EPB41L3: variants seen among roughly 807,000 people sequenced by gnomAD.
EPB41L3 encodes band 4.1-like protein 3.
A neutral mutation model predicts 127.1 loss-of-function variants in EPB41L3; 57 were observed. The ratio of observed to expected loss-of-function variants is 0.45; its 90% CI spans 0.36 to 0.56. The LOEUF is 0.56. Among genes scored for constraint, EPB41L3 ranks in the 20% least tolerant of loss-of-function variants. The pLI is 0.00. For synonymous variants in EPB41L3, 572 were observed against 549.5 expected (o/e 1.04, Z -0.57); for missense variants, 1,273 against 1,372.2 (o/e 0.93, Z 1.14).
intron 16 of EPB41L3, among the ~76,000 whole-genome samples, chr18:5,404,595 T>C (rs1215450243): frequency 6.6e-6 from 1 of 152,222 alleles, no homozygotes; most frequent in Non-Finnish European, 1.5e-5. Context: ...ATGTTAATTC[T>C]CTAATGTTTA....
intron 3 of EPB41L3, among the ~76,000 whole-genome samples, chr18:5,573,469 T>C (rs550331262): frequency 1.1e-4 from 17 of 152,346 alleles, no homozygotes; most frequent in Non-Finnish European, 2.4e-4. Flanking sequence ...AATGTAACTA[T>C]AAATATGGAC....
intron 3 of EPB41L3, among the ~76,000 whole-genome samples, chr18:5,606,724 C>A (rs2094657614): frequency 6.6e-6 from 1 of 152,128 alleles, no homozygotes. Flanking sequence ...AATTACTAGA[C>A]AAAATTAATA....
intron 3 of EPB41L3, among the ~76,000 whole-genome samples, chr18:5,549,899 T>A (rs1050301834): frequency 6.6e-6 from 1 of 151,664 alleles, no homozygotes; most frequent in African/African-American, 2.4e-5. Flanking sequence ...GAACTGAAGA[T>A]AATCTACACT....
intron 16 of EPB41L3, chr18:5,399,432 C>G: frequency 7.5e-6 from 3 of 398,224 alleles, no homozygotes; most frequent in Non-Finnish European, 8.8e-6. Context: ...GATGGTATCT[C>G]ATTTCTAAAA....
At chr18:5,497,187 G>A (rs1367056038) in intron 1 of EPB41L3, among the ~76,000 whole-genome samples, 2 of 152,182 alleles carry the variant, frequency 1.3e-5, no homozygotes, top group African/African-American at 4.8e-5. Flanking sequence ...TACAAGATAA[G>A]GTAGATATGA....
intron 3 of EPB41L3, among the ~76,000 whole-genome samples, chr18:5,451,347 T>C (rs1457092763): frequency 6.6e-6 from 1 of 152,244 alleles, no homozygotes; most frequent in East Asian, 1.9e-4. Flanking sequence ...GCATTACCCA[T>C]AATGATGCTC....
chr18:5,539,127 A>AAG (rs1403007462), intron 1 of EPB41L3, among the ~76,000 whole-genome samples: 1 of 151,792 alleles, frequency 6.6e-6, no homozygotes, highest in Non-Finnish European at 1.5e-5. Flanking sequence ...AAGAAACCTG[A>AAG]AGAGAAATAA....
At chr18:5,512,587 G>C (rs58985018) in intron 1 of EPB41L3, among the ~76,000 whole-genome samples, 6,305 of 152,286 alleles carry the variant, frequency 0.041, 173 homozygotes, top group East Asian at 0.097. Flanking sequence ...CTAGAGAATG[G>C]AGAATGGATT....
At chr18:5,557,461 C>T (rs1212678629) in intron 3 of EPB41L3, among the ~76,000 whole-genome samples, 1 of 152,136 alleles carries the variant, frequency 6.6e-6, no homozygotes, top group Non-Finnish European at 1.5e-5. Context: ...TCGGCCCACC[C>T]CAACCCTCCG....
At chr18:5,530,468 C>A (rs2093374842) in intron 1 of EPB41L3, among the ~76,000 whole-genome samples, 1 of 152,156 alleles carries the variant, frequency 6.6e-6, no homozygotes, top group African/African-American at 2.4e-5. Flanking sequence ...GGTAACACCC[C>A]TCACTGGCTC....
At chr18:5,536,452 G>A (rs1051225310) in intron 1 of EPB41L3, among the ~76,000 whole-genome samples, 1 of 150,864 alleles carries the variant, frequency 6.6e-6, no homozygotes, top group Non-Finnish European at 1.5e-5. Flanking sequence ...AATGATGTGG[G>A]TATAGATTTG....
chr18:5,425,905 T>G (rs568331505), intron 9 of EPB41L3, among the ~76,000 whole-genome samples: 9 of 152,280 alleles, frequency 5.9e-5, no homozygotes, highest in Middle Eastern at 6.8e-3. Context: ...TTCTGAACTC[T>G]GAAATGTCAT....
intron 2 of EPB41L3, among the ~76,000 whole-genome samples, chr18:5,613,834 T>G (rs2094759045): frequency 6.6e-6 from 1 of 152,236 alleles, no homozygotes; most frequent in Non-Finnish European, 1.5e-5. Flanking sequence ...CAGTTAACCT[T>G]CATAAAAATA....
chr18:5,400,794 A>T, intron 16 of EPB41L3: 1 of 584,664 alleles, frequency 1.7e-6, no homozygotes, highest in South Asian at 2.2e-5. Flanking sequence ...ACTGATAACT[A>T]AAATATTAAG....
At chr18:5,399,636 A>C (rs773186353) in intron 16 of EPB41L3, 3 of 332,302 alleles carry the variant, frequency 9.0e-6, no homozygotes, top group Non-Finnish European at 1.6e-5. Flanking sequence ...ACTTTGCAGT[A>C]AATTTTTTGA....
intron 16 of EPB41L3, among the ~76,000 whole-genome samples, chr18:5,406,083 T>C (rs2075337064): frequency 6.6e-6 from 1 of 151,920 alleles, no homozygotes; most frequent in Admixed American, 6.6e-5. Context: ...AAACCCCGTC[T>C]CTATTAAAAA....
chr18:5,399,937 A>G (rs1361525015), intron 16 of EPB41L3: 1 of 152,238 alleles, frequency 6.6e-6, no homozygotes, highest in East Asian at 1.9e-4. Context: ...TGTTCAAGGC[A>G]TTGTAATGAA....
chr18:5,544,413 T>A (rs1358407708), upstream of EPB41L3: 2 of 743,576 alleles, frequency 2.7e-6, no homozygotes, highest in Non-Finnish European at 3.3e-6. Flanking sequence ...GCAGTATTTT[T>A]TTTTTCTTTT....
chr18:5,612,962 A>T (rs964679011), intron 2 of EPB41L3, among the ~76,000 whole-genome samples: 2 of 152,170 alleles, frequency 1.3e-5, no homozygotes, highest in Non-Finnish European at 2.9e-5. Flanking sequence ...GCTGGTCTCA[A>T]ACTCATGACC....
Sources: allele counts gnomAD v4.1 joint callset (sites outside exome capture counted in the v4.1 genomes callset), GRCh38; gene constraint gnomAD v4.1.1; transcripts MANE v1.5; gene names NCBI Gene and HGNC (gene_info 2026-07-23, HGNC 2026-07-21).